The following ACSF2 variants were observed in gnomAD, a reference collection of about 807,000 sequenced individuals.
ACSF2 encodes the protein acyl-CoA synthetase family member 2.
In ACSF2, 52 loss-of-function variants were observed where a neutral mutation model predicts 79.3. The observed-to-expected ratio is 0.66, with a 90% CI of 0.53 to 0.83. The LOEUF is 0.83. ACSF2 is among the 40% of genes least tolerant of loss of function. The pLI is 0.00. For synonymous variants in ACSF2, 283 were observed against 312.6 expected (o/e 0.91, Z 1.00); for missense variants, 661 against 803.3 (o/e 0.82, Z 2.14).
intron 1 of ACSF2, among the ~76,000 whole-genome samples, chr17:50,429,762 C>T (rs1229646587): frequency 6.6e-6 from 1 of 152,104 alleles, no homozygotes; most frequent in African/African-American, 2.4e-5. Context: ...AAGTAATCCA[C>T]CTGCCTCAGC....
At chr17:50,456,370 G>A (rs2031997481) in intron 1 of ACSF2, among the ~76,000 whole-genome samples, 1 of 152,130 alleles carries the variant, frequency 6.6e-6, no homozygotes, top group Non-Finnish European at 1.5e-5. Context: ...CCACTGCTTT[G>A]GCCAAGCAGA....
At chr17:50,428,560 G>A (rs370831808) in intron 1 of ACSF2, among the ~76,000 whole-genome samples, 43 of 152,078 alleles carry the variant, frequency 2.8e-4, no homozygotes, top group African/African-American at 9.4e-4. Flanking sequence ...TGAGGTGGGC[G>A]GATCACTTGA....
At chr17:50,461,439 G>A in intron 3 of ACSF2, 69 bp downstream of exon 3, 1 of 1,605,998 alleles carries the variant, frequency 6.2e-7, no homozygotes, top group Non-Finnish European at 8.5e-7. Flanking sequence ...AGCCCCTCAG[G>A]CCCTCAGCCC....
rs541633708 is a variant in ACSF2 at position 50,464,115 on chromosome 17, A to G, written c.1139-103A>G. 19 of 1,381,586 alleles carry G rather than the reference A, an allele frequency of 1.4e-5. No individual in the cohort carries two copies. In the South Asian group the frequency reaches 2.0e-4, roughly 14 times the overall value. The allele number at this position is 1,381,586 out of a possible 1,614,324, so 85.6% of individuals were successfully genotyped here. On this transcript the variant is annotated intron_variant, in intron 9 of 15. Coordinates refer to ENST00000300441, the MANE Select transcript of ACSF2 (RefSeq NM_025149.6). ...CCAGGTGTAGGAAAGGCTCGGGGTC[A>G]GAGGAGAAAAGGGAATGTTCCTCCC...
At chr17:50,426,518 C>T (rs1294012066) in intron 1 of ACSF2, 129 bp downstream of exon 1, 3 of 1,127,672 alleles carry the variant, frequency 2.7e-6, no homozygotes, top group Admixed American at 7.9e-5. Context: ...GCCCCTCCCC[C>T]GCCCCCCGCC....
At chr17:50,435,791 GT>G (rs879568960) in intron 1 of ACSF2, among the ~76,000 whole-genome samples, 27 of 144,758 alleles carry the variant, frequency 1.9e-4, no homozygotes, top group South Asian at 4.4e-4. Context: ...AGTTTAGTGA[GT>G]TTTTTTTTTT....
In ACSF2 at chr17:50,462,402, C is replaced by A. The variant is rs2277631; in HGVS notation, c.627-18C>A. The A allele has an allele frequency of 0.28, 448,197 of 1,611,150 alleles. 64,993 individuals are homozygous for A. Among genetic ancestry groups the A allele is most frequent in the Middle Eastern group, 0.32 (1,954 of 6,062 alleles). The stretch of plus-strand genomic sequence containing the variant: ...CCCTCCCTCAGCCCCTGTCTCTCAC[C>A]ATCGTCCCCAACCCCAGGCTCCCAG... On this transcript the variant is annotated intron_variant, in intron 5 of 15. Transcript: ENST00000300441.
chr17:50,474,845 T>C (rs1360773930), downstream of ACSF2: 1 of 417,600 alleles, frequency 2.4e-6, no homozygotes, highest in East Asian at 4.6e-5. This position sits in a 1 kb window ranked among gnomAD's most constrained non-coding sequence, Gnocchi z 4.2. Context: ...GGCTTCTTGC[T>C]GGTGGGCTCT....
chr17:50,437,766 G>A (rs1352601800), intron 1 of ACSF2, among the ~76,000 whole-genome samples: 1 of 152,108 alleles, frequency 6.6e-6, no homozygotes, highest in East Asian at 1.9e-4. Flanking sequence ...GACACCCTTA[G>A]TAGGAGATCA....
chr17:50,459,766 T>G (rs1484209776), intron 1 of ACSF2, among the ~76,000 whole-genome samples: 1 of 152,132 alleles, frequency 6.6e-6, no homozygotes, highest in East Asian at 1.9e-4. Context: ...TTTCCACCTG[T>G]GCACTGAAAT....
At chr17:50,439,113 G>T (rs2143543266) in intron 1 of ACSF2, among the ~76,000 whole-genome samples, 1 of 151,166 alleles carries the variant, frequency 6.6e-6, no homozygotes, top group South Asian at 2.1e-4. Context: ...TGTCTCCCAG[G>T]CTGCTGGAGT....
rs974105792 is a variant in ACSF2, at chr17:50,463,290, G to C, written c.888+39G>C. Reference sequence around the variant, plus strand: ...AGGCCCAGGGCAAGGCTGCAGGAGGGGTGGCTCAGGCAGGGGTGGGGGGCT... The same window carrying C: ...AGGCCCAGGGCAAGGCTGCAGGAGGCGTGGCTCAGGCAGGGGTGGGGGGCT... On this transcript the variant is annotated intron_variant, in intron 7 of 15. Transcript: ENST00000300441. The surrounding 1 kb of genome is among the most constrained non-coding windows in gnomAD (Gnocchi z 4.6). 2 of 1,612,702 alleles carry C rather than the reference G, an allele frequency of 1.2e-6. No individual in the cohort carries two copies. Among genetic ancestry groups the C allele is most frequent in the Non-Finnish European group, 1.7e-6 (2 of 1,179,234 alleles).
chr17:50,463,758 G>A lies in ACSF2; in HGVS notation c.1047-60G>A. The A allele has an allele frequency of 1.3e-6, 2 of 1,552,612 alleles. No homozygotes were observed. Among genetic ancestry groups the A allele is most frequent in the Middle Eastern group, 1.7e-4 (1 of 5,904 alleles). ...TTGCTGCAGTTTCATGGCGGGGTGG[G>A]TGAGAACAGGGAGTTCCCTTCCACT... On this transcript the variant is annotated intron_variant, in intron 8 of 15. Coordinates refer to ENST00000300441, the MANE Select transcript of ACSF2 (RefSeq NM_025149.6). The surrounding 1 kb of genome is among the most constrained non-coding windows in gnomAD (Gnocchi z 4.6).
At chr17:50,464,769 T>G (rs1168943309) in intron 10 of ACSF2, 2,015 of 169,678 alleles carry the variant, frequency 0.012, 10 homozygotes, top group Middle Eastern at 0.029. Flanking sequence ...CTGATTGACT[T>G]GGGGGGGGGG....
rs770780869 is a variant in ACSF2 at position 50,462,261 on chromosome 17, A to T, written c.585A>T (p.Pro195=). 6.2e-7 allele frequency: 1 copy of T among 1,613,976 alleles called. No homozygotes were observed. The highest frequency in any genetic ancestry group is 8.5e-7 in the Non-Finnish European group (1 of 1,180,018). ...QYYNVLKQIC[P]EVENAQPGAL... ...ACAACGTCCTGAAGCAGATCTGTCC[A>T]GAAGTGGAGAATGCCCAGCCAGGGG... The change falls in exon 5 of 16, where the codon CCA becomes CCT. Residue 195 remains proline (P), a synonymous_variant. Transcript: ENST00000300441.
intron 1 of ACSF2, among the ~76,000 whole-genome samples, chr17:50,433,111 C>CTT (rs35016953): frequency 0.018 from 2,521 of 143,898 alleles, 94 homozygotes; most frequent in African/African-American, 0.057. Context: ...TTTTCTTTTT[C>CTT]TTTTTTTTTT....
chr17:50,456,301 C>T (rs1483058815), intron 1 of ACSF2, among the ~76,000 whole-genome samples: 4 of 152,178 alleles, frequency 2.6e-5, no homozygotes, highest in African/African-American at 9.7e-5. Flanking sequence ...AGTTTCTACT[C>T]AGGGCCAGTG....
Position 50,474,219 on chromosome 17 carries a change from G to T in ACSF2, c.1749G>T (p.Pro583=). The change falls in exon 15 of 16, where the codon CCG becomes CCT. Residue 583 remains proline (P), a synonymous_variant. Coordinates refer to ENST00000300441, the MANE Select transcript of ACSF2 (RefSeq NM_025149.6). This position sits in a 1 kb window ranked among gnomAD's most constrained non-coding sequence, Gnocchi z 4.2. ...TGCAGATCTCTCACTTCAAGATTCCGAAGTACATCGTGTTTGTCACAAACT... is the reference window on the plus strand; with the variant it reads ...TGCAGATCTCTCACTTCAAGATTCCTAAGTACATCGTGTTTGTCACAAACT... The part of the protein sequence containing the change: ...CKGKISHFKI[P]KYIVFVTNYP... 1 of 1,614,190 alleles carries T rather than the reference G, an allele frequency of 6.2e-7. No homozygotes were observed.
chr17:50,442,672 C>T (rs757804732), intron 1 of ACSF2, among the ~76,000 whole-genome samples: 3 of 152,086 alleles, frequency 2.0e-5, no homozygotes, highest in African/African-American at 7.2e-5. Flanking sequence ...CAATATGTTG[C>T]TCAGGCTGGC....
Sources: allele counts gnomAD v4.1 joint callset (sites outside exome capture counted in the v4.1 genomes callset), GRCh38; gene constraint gnomAD v4.1.1; non-coding constraint Gnocchi (gnomAD v3.1); transcripts MANE v1.5; gene names NCBI Gene and HGNC (gene_info 2026-07-23, HGNC 2026-07-21).